Variants in MSRB3 observed in about 807,000 individuals in gnomAD.
The protein encoded by MSRB3 is methionine sulfoxide reductase B3.
MSRB3 carries 13 observed loss-of-function variants against 21.0 expected under a neutral mutation model. The observed-to-expected ratio is 0.62, with a 90% confidence interval of 0.40 to 0.98. MSRB3 has a LOEUF of 0.98. Ranked by LOEUF, MSRB3 falls within the 50% of genes least tolerant of loss-of-function variation. The pLI, the probability that MSRB3 is intolerant of heterozygous loss-of-function variation, is 0.00. For synonymous variants in MSRB3, 87 were observed against 88.6 expected, an observed-to-expected ratio of 0.98 and a Z score of 0.10; for missense variants, 199 against 230.3, an observed-to-expected ratio of 0.86 and a Z score of 0.88.
At chr12:65,360,133 A>G (rs1194685593) in intron 4 of MSRB3, among the ~76,000 whole-genome samples, 2 of 152,118 alleles carry the variant, frequency 1.3e-5, no homozygotes, top group Non-Finnish European at 2.9e-5. Context: ...ACATTGGATT[A>G]GGGTCCCCCT....
chr12:65,343,440 A>C (rs1876273172), intron 4 of MSRB3, among the ~76,000 whole-genome samples: 3 of 152,086 alleles, frequency 2.0e-5, no homozygotes, highest in Admixed American at 2.0e-4. Flanking sequence ...CTATTCCCAG[A>C]AGCCTAGAGG....
At chr12:65,458,089 A>G (rs1314502913) in intron 6 of MSRB3, among the ~76,000 whole-genome samples, 3 of 152,196 alleles carry the variant, frequency 2.0e-5, no homozygotes, top group Non-Finnish European at 4.4e-5. Context: ...TTTGGTAAAG[A>G]TGGAATATCT....
chr12:65,305,355 C>T (rs1873592491), intron 1 of MSRB3: 1 of 152,146 alleles, frequency 6.6e-6, no homozygotes. Flanking sequence ...CTCGTCTGGC[C>T]ATCAAGTAAT....
intron 5 of MSRB3, among the ~76,000 whole-genome samples, chr12:65,387,719 T>C (rs1879265176): frequency 6.6e-6 from 1 of 152,186 alleles, no homozygotes; most frequent in Non-Finnish European, 1.5e-5. Context: ...CCTACCTCAA[T>C]GTTATGAGAA....
chr12:65,367,415 G>A (rs931978186), intron 4 of MSRB3, among the ~76,000 whole-genome samples: 6 of 152,184 alleles, frequency 3.9e-5, no homozygotes, highest in Non-Finnish European at 7.3e-5. Context: ...CCAGGAGGAG[G>A]GAAGCTTAAG....
At chr12:65,399,755 T>C (rs1880017674) in intron 5 of MSRB3, among the ~76,000 whole-genome samples, 1 of 152,216 alleles carries the variant, frequency 6.6e-6, no homozygotes, top group Admixed American at 6.5e-5. Flanking sequence ...AAATAGCTCT[T>C]ATTATTTTGA....
At chr12:65,373,767 C>T (rs940461467) in intron 5 of MSRB3, among the ~76,000 whole-genome samples, 5 of 152,056 alleles carry the variant, frequency 3.3e-5, no homozygotes, top group African/African-American at 1.2e-4. Context: ...TTAGGAGATC[C>T]TAAAAGACAT....
intron 6 of MSRB3, among the ~76,000 whole-genome samples, chr12:65,457,604 T>C (rs552758322): frequency 9.9e-5 from 15 of 152,262 alleles, no homozygotes; most frequent in African/African-American, 3.4e-4. Context: ...AAATGGAATC[T>C]AATTAAACTA....
At chr12:65,395,309 A>G (rs1357775311) in intron 5 of MSRB3, among the ~76,000 whole-genome samples, 1 of 152,104 alleles carries the variant, frequency 6.6e-6, no homozygotes, top group Admixed American at 6.5e-5. Context: ...ACTACTAAAA[A>G]TACAAAATTA....
At chr12:65,406,247 A>G (rs544164688) in intron 5 of MSRB3, among the ~76,000 whole-genome samples, 66 of 152,318 alleles carry the variant, frequency 4.3e-4, no homozygotes, top group African/African-American at 1.5e-3. Context: ...TAGTTTTTGC[A>G]TATGGTGTGA....
At position 65,317,258 on chromosome 12, in the gene MSRB3, T is replaced by G. The variant is rs1040211078; in HGVS notation, c.76+8603T>G. ...CATCATGAAATTGAGAAACCCTACATACTACCCTATTGCATAAATTCTAAG... is the reference window on the plus strand; with the variant it reads ...CATCATGAAATTGAGAAACCCTACAGACTACCCTATTGCATAAATTCTAAG... On this transcript the variant is annotated intron_variant, in intron 2 of 6. Coordinates refer to ENST00000308259, the MANE Select transcript of MSRB3 (RefSeq NM_001031679.3). 2.6e-5 allele frequency among the ~76,000 whole-genome samples: 4 copies of G among 152,296 alleles called. No homozygotes were observed. In the East Asian group the frequency reaches 5.8e-4, roughly 22 times the overall value.
intron 4 of MSRB3, among the ~76,000 whole-genome samples, chr12:65,349,460 T>C (rs1015858459): frequency 7.3e-5 from 11 of 151,584 alleles, no homozygotes; most frequent in African/African-American, 2.2e-4. Context: ...TATTTCTAGT[T>C]CTAGATCCCT....
chr12:65,344,240 G>T (rs1444143594), intron 4 of MSRB3: 2 of 152,044 alleles, frequency 1.3e-5, no homozygotes, highest in Non-Finnish European at 2.9e-5. Flanking sequence ...TATTAGGTAA[G>T]TACTCCTTTA....
At chr12:65,412,603 T>G (rs1462101530) in intron 5 of MSRB3, among the ~76,000 whole-genome samples, 1 of 151,810 alleles carries the variant, frequency 6.6e-6, no homozygotes, top group East Asian at 1.9e-4. Context: ...TAGTTGTGGT[T>G]TTTGCCATTG....
At chr12:65,414,029 G>A (rs1880848835) in intron 5 of MSRB3, among the ~76,000 whole-genome samples, 1 of 152,156 alleles carries the variant, frequency 6.6e-6, no homozygotes, top group South Asian at 2.1e-4. Context: ...GAGGGAGGTG[G>A]AGGAGGGTAG....
intron 5 of MSRB3, among the ~76,000 whole-genome samples, chr12:65,432,630 G>C (rs753913347): frequency 6.6e-5 from 10 of 151,594 alleles, no homozygotes; most frequent in African/African-American, 2.4e-4. Flanking sequence ...CCCATCCCCC[G>C]CCATCCCCAT....
intron 2 of MSRB3, among the ~76,000 whole-genome samples, chr12:65,319,744 A>G (rs979937158): frequency 6.6e-5 from 10 of 152,226 alleles, no homozygotes; most frequent in Non-Finnish European, 1.2e-4. Flanking sequence ...CAAAGAATTT[A>G]CAATGTGTTT....
intron 6 of MSRB3, among the ~76,000 whole-genome samples, chr12:65,454,456 G>C (rs938444619): frequency 4.6e-5 from 7 of 152,092 alleles, no homozygotes; most frequent in African/African-American, 1.7e-4. Context: ...TCATTATGTG[G>C]CTTTGAATAA....
rs753082676 is a variant in MSRB3, at chr12:65,308,628, G to A, written c.49G>A (p.Ala17Thr). The A allele has an allele frequency of 6.2e-7, 1 of 1,613,958 alleles. No homozygotes were observed. Among genetic ancestry groups the A allele is most frequent in the Non-Finnish European group, 8.5e-7 (1 of 1,179,884 alleles). Residue 17 changes from alanine to threonine, a missense_variant, in exon 2 of 7, where the codon GCC (alanine) becomes ACC (threonine). Ala to Thr is a moderately conservative substitution (Grantham distance 58). Transcript: ENST00000308259. ...LHLVTKSQPVALRACGLPSGS... is the reference protein window; with the variant it reads ...LHLVTKSQPVTLRACGLPSGS... ...TTTGGTGACAAAGAGCCAGCCAGTA[G>A]CCCTTCGAGCCTGTGGGCTTCCCTC...
Sources: allele counts gnomAD v4.1 joint callset (sites outside exome capture counted in the v4.1 genomes callset), GRCh38; gene constraint gnomAD v4.1.1; transcripts MANE v1.5; gene names NCBI Gene and HGNC (gene_info 2026-07-23, HGNC 2026-07-21).